The following SLC35F1 variants were observed in gnomAD, a reference collection of about 807,000 sequenced individuals.
SLC35F1 encodes the protein chromosome 6 open reading frame 169.
SLC35F1 carries 14 observed loss-of-function variants against 48.7 expected under a neutral mutation model. The observed-to-expected ratio is 0.29, with a 90% CI of 0.19 to 0.45. The LOEUF is 0.45. Among genes scored for constraint, SLC35F1 ranks in the 20% least tolerant of loss-of-function variants. The pLI is 1.00. For synonymous variants in SLC35F1, 190 were observed against 202.2 expected, an observed-to-expected ratio of 0.94 and a Z score of 0.51; for missense variants, 404 against 500.0, an observed-to-expected ratio of 0.81 and a Z score of 1.83.
intron 1 of SLC35F1, among the ~76,000 whole-genome samples, chr6:118,131,631 T>C (rs975890773): frequency 6.6e-6 from 1 of 152,168 alleles, no homozygotes; most frequent in African/African-American, 2.4e-5. Context: ...CAGGAGGTTA[T>C]AAGTTTTGCT....
intron 1 of SLC35F1, among the ~76,000 whole-genome samples, chr6:117,909,169 T>C (rs921226430): frequency 1.3e-5 from 2 of 152,168 alleles, no homozygotes; most frequent in Admixed American, 1.3e-4. Flanking sequence ...GAGTTGGTAA[T>C]AGAACTAAGT....
chr6:118,061,378 T>C (rs957094178), intron 1 of SLC35F1, among the ~76,000 whole-genome samples: 2 of 152,158 alleles, frequency 1.3e-5, no homozygotes, highest in Non-Finnish European at 2.9e-5. Flanking sequence ...TTCCTGTCCT[T>C]CTAAAATTGC....
chr6:118,144,204 T>C (rs1773935329), intron 1 of SLC35F1, among the ~76,000 whole-genome samples: 1 of 152,114 alleles, frequency 6.6e-6, no homozygotes, highest in Non-Finnish European at 1.5e-5. Context: ...CCATCAATGA[T>C]AGACTGGATA....
At chr6:118,290,811 T>TTTC (rs1463102111) in intron 7 of SLC35F1, among the ~76,000 whole-genome samples, 1 of 149,824 alleles carries the variant, frequency 6.7e-6, no homozygotes, top group Non-Finnish European at 1.5e-5. Context: ...TTTTTTTTTT[T>TTTC]CGAGACAGAG....
At chr6:117,991,145 A>G (rs577671709) in intron 1 of SLC35F1, among the ~76,000 whole-genome samples, 2 of 152,356 alleles carry the variant, frequency 1.3e-5, no homozygotes, top group African/African-American at 4.8e-5. Flanking sequence ...TGGGTAGAAT[A>G]TAGTGCCCTC....
At chr6:118,196,471 T>G (rs1774801799) in intron 2 of SLC35F1, among the ~76,000 whole-genome samples, 1 of 152,156 alleles carries the variant, frequency 6.6e-6, no homozygotes, top group Non-Finnish European at 1.5e-5. Flanking sequence ...ATCCTAGCAC[T>G]TTGGGAGGCT....
chr6:118,218,728 T>A (rs1003242006), intron 2 of SLC35F1, among the ~76,000 whole-genome samples: 2 of 152,210 alleles, frequency 1.3e-5, no homozygotes, highest in Non-Finnish European at 2.9e-5. Context: ...TATATTATGA[T>A]CAATTTTGGT....
At chr6:117,965,817 A>G (rs1452805707) in intron 1 of SLC35F1, among the ~76,000 whole-genome samples, 1 of 152,132 alleles carries the variant, frequency 6.6e-6, no homozygotes, top group Non-Finnish European at 1.5e-5. Context: ...AAGGATTGTA[A>G]ATGCACCAAT....
In SLC35F1 at chr6:118,134,142, C is replaced by A. The variant is rs868748092; in HGVS notation, c.174-20303C>A. ...TATCAGCAAGAGAAACAGAAAACAG[C>A]ACATCAGAAAAAGGAGAAACTGCCT... On this transcript the variant is annotated intron_variant, in intron 1 of 7. Coordinates refer to ENST00000360388, the MANE Select transcript of SLC35F1 (RefSeq NM_001029858.4). Among the ~76,000 whole-genome samples, 22 of 152,274 alleles carry A rather than the reference C, an allele frequency of 1.4e-4. No individual in the cohort carries two copies. The Middle Eastern group carries it at 0.01, about 71-fold the overall frequency.
At chr6:118,032,355 T>C (rs1772066871) in intron 1 of SLC35F1, among the ~76,000 whole-genome samples, 1 of 152,146 alleles carries the variant, frequency 6.6e-6, no homozygotes, top group Non-Finnish European at 1.5e-5. Context: ...TTTTTATTAA[T>C]TTAGTTAGTG....
intron 2 of SLC35F1, among the ~76,000 whole-genome samples, chr6:118,201,676 G>A (rs115309798): frequency 0.018 from 2,811 of 152,238 alleles, 92 homozygotes; most frequent in African/African-American, 0.065. Context: ...GTGGGTTTTA[G>A]TATGTTCACA....
chr6:118,211,230 C>T (rs908075897), intron 2 of SLC35F1, among the ~76,000 whole-genome samples: 1 of 152,164 alleles, frequency 6.6e-6, no homozygotes, highest in African/African-American at 2.4e-5. Flanking sequence ...GTATGGCAGC[C>T]TTAGTAAACT....
At chr6:117,996,094 T>C (rs182491745) in intron 1 of SLC35F1, among the ~76,000 whole-genome samples, 25 of 152,346 alleles carry the variant, frequency 1.6e-4, no homozygotes, top group African/African-American at 5.5e-4. Flanking sequence ...ATTTTTTGTA[T>C]ATAAATAATT....
At chr6:118,280,808 T>C (rs1775973709) in intron 6 of SLC35F1, among the ~76,000 whole-genome samples, 1 of 151,442 alleles carries the variant, frequency 6.6e-6, no homozygotes, top group Non-Finnish European at 1.5e-5. Context: ...GAGGCGGAGG[T>C]TGCAGCGAGT....
chr6:118,268,811 C>T (rs283089), intron 4 of SLC35F1, among the ~76,000 whole-genome samples: 15,306 of 151,654 alleles, frequency 0.1, 951 homozygotes, highest in African/African-American at 0.17. Flanking sequence ...GGTTTCATCA[C>T]ATTGACCAGG....
At position 118,283,539 on chromosome 6, in the gene SLC35F1, C is replaced by G. The variant is rs550156926; in HGVS notation, c.848-1645C>G. On this transcript the variant is annotated intron_variant, in intron 6 of 7. Coordinates refer to ENST00000360388, the MANE Select transcript of SLC35F1 (RefSeq NM_001029858.4). ...TGGAAGGGTATTATTCTGGAACTTT[C>G]TAACCCAGTCATGGTATTTAAATCA... Among the ~76,000 whole-genome samples the G allele has an allele frequency of 3.3e-5, 5 of 152,270 alleles. 1 individual carries two copies. The South Asian group carries it at 1.0e-3, about 32-fold the overall frequency.
At chr6:118,253,190 A>G (rs765374358) in intron 3 of SLC35F1, among the ~76,000 whole-genome samples, 16 of 152,194 alleles carry the variant, frequency 1.1e-4, no homozygotes, top group South Asian at 2.1e-4. Context: ...TGAGAACACA[A>G]TATTTGAGAG....
intron 1 of SLC35F1, among the ~76,000 whole-genome samples, chr6:117,922,976 A>G (rs1027446735): frequency 1.3e-4 from 20 of 152,174 alleles, no homozygotes; most frequent in African/African-American, 4.1e-4. Flanking sequence ...CATCTTTGCT[A>G]TCTTTAAAAT....
At chr6:117,938,030 A>G (rs1311055817) in intron 1 of SLC35F1, among the ~76,000 whole-genome samples, 1 of 152,152 alleles carries the variant, frequency 6.6e-6, no homozygotes, top group East Asian at 1.9e-4. Flanking sequence ...TAGTTCAATC[A>G]TCTATGGCAT....
Sources: allele counts gnomAD v4.1 joint callset (sites outside exome capture counted in the v4.1 genomes callset), GRCh38; gene constraint gnomAD v4.1.1; transcripts MANE v1.5; gene names NCBI Gene and HGNC (gene_info 2026-07-23, HGNC 2026-07-21).